DCDC1: variants seen among roughly 807,000 people sequenced by gnomAD.
DCDC1 encodes doublecortin domain containing 1.
Under a neutral mutation model 178.3 loss-of-function variants are expected in DCDC1, and 200 were observed. That is an observed-to-expected ratio of 1.12 (90% CI 1.00 to 1.26). The LOEUF (loss-of-function observed/expected upper bound fraction) is 1.26. Among genes scored for constraint, DCDC1 ranks in the 50% most tolerant of loss-of-function variants. The probability of loss-of-function intolerance (pLI) is 0.00; values close to 1 mark genes in which losing one functional copy is unlikely to be tolerated. For missense variants in DCDC1, 1,983 were observed against 1,749.2 expected (o/e 1.13, Z -2.38); for synonymous variants, 690 against 604.8 (o/e 1.14, Z -2.07).
At chr11:31,268,602 A>T (rs1945337140) in intron 7 of DCDC1, among the ~76,000 whole-genome samples, 1 of 152,078 alleles carries the variant, frequency 6.6e-6, no homozygotes, top group South Asian at 2.1e-4. Context: ...TATGTACCAC[A>T]TTTTCTTTAT....
At position 30,934,107 on chromosome 11, in the gene DCDC1, T is replaced by C. The variant is rs541605470; in HGVS notation, c.2716-2155A>G. ...CATTCCAAGTATAACTGATGAATCT[T>C]TGTTGATTACAATAGATGTAGTTAA... On this transcript the variant is annotated intron_variant, in intron 21 of 38. Transcript: ENST00000684477. Among the ~76,000 whole-genome samples the C allele has an allele frequency of 5.7e-4, 87 of 152,348 alleles. 1 individual carries two copies. The highest frequency in any genetic ancestry group is 2.1e-3 in the African/African-American group (87 of 41,592).
At chr11:30,981,017 A>T (rs1014804668) in intron 20 of DCDC1, among the ~76,000 whole-genome samples, 2 of 152,236 alleles carry the variant, frequency 1.3e-5, no homozygotes, top group Non-Finnish European at 2.9e-5. Context: ...GCCATAAAAA[A>T]ATAAAATTAT....
chr11:31,281,197 A>C lies in DCDC1; in HGVS notation c.960+9450T>G, dbSNP rs529290943. On this transcript the variant is annotated intron_variant, in intron 7 of 38. Transcript: ENST00000684477. ...GTTCTTATCACATTGTCTATAAATA[A>C]AATAGTTTTTATTTCTTCCTTTCAA... 1.3e-3 allele frequency among the ~76,000 whole-genome samples: 200 copies of C among 152,114 alleles called. 1 individual carries two copies. Among genetic ancestry groups the C allele is most frequent in the Middle Eastern group, 0.01 (3 of 294 alleles).
chr11:31,204,631 T>A (rs1348471839), intron 9 of DCDC1, among the ~76,000 whole-genome samples: 5 of 152,150 alleles, frequency 3.3e-5, no homozygotes, highest in Admixed American at 3.3e-4. Flanking sequence ...GAGACCAGCC[T>A]GGCCAACATG....
chr11:30,946,376 C>CA (rs1381990607), intron 21 of DCDC1, among the ~76,000 whole-genome samples: 11 of 152,178 alleles, frequency 7.2e-5, no homozygotes, highest in Non-Finnish European at 4.4e-5. Context: ...ATGCTTGGCC[C>CA]CATGTGGGCC....
chr11:31,044,549 T>A (rs911092943), intron 20 of DCDC1, among the ~76,000 whole-genome samples: 2 of 150,592 alleles, frequency 1.3e-5, no homozygotes, highest in Non-Finnish European at 2.9e-5. Flanking sequence ...TGGAAGGGGC[T>A]GTGTGCCAAG....
Position 30,878,689 on chromosome 11 carries a change from G to A in DCDC1, c.5256C>T (p.Ile1752=). The change falls in exon 38 of 39, where the codon ATC becomes ATT. Residue 1752 remains isoleucine, a synonymous_variant. Coordinates refer to ENST00000684477, the MANE Select transcript of DCDC1 (RefSeq NM_001387274.1). ...TPKELKQLME[I]RANYARIRRQ... ...TTCGGATTCTGGCATAATTTGCTCT[G>A]ATCTCCATCAGTTGTTTTAACTCTG... is the stretch of plus-strand genomic sequence containing the variant. The A allele has an allele frequency of 6.3e-7, 1 of 1,586,570 alleles. No homozygotes were observed. Among genetic ancestry groups the A allele is most frequent in the East Asian group, 2.3e-5 (1 of 43,388 alleles).
At chr11:31,229,422 T>C in intron 9 of DCDC1, among the ~76,000 whole-genome samples, 1 of 152,162 alleles carries the variant, frequency 6.6e-6, no homozygotes, top group East Asian at 1.9e-4. Flanking sequence ...AAATACTACA[T>C]GAACAAGTAA....
intron 2 of DCDC1, 128 bp downstream of exon 2, chr11:31,335,319 T>C (rs1201007048): frequency 2.0e-5 from 3 of 152,232 alleles, no homozygotes; most frequent in Non-Finnish European, 2.9e-5. Flanking sequence ...TGGCTTCCCT[T>C]GGCTAGGAAG....
intron 8 of DCDC1, among the ~76,000 whole-genome samples, chr11:31,246,169 G>A (rs1466550552): frequency 1.3e-5 from 2 of 151,888 alleles, no homozygotes; most frequent in African/African-American, 4.8e-5. Context: ...GAAGCACAGG[G>A]AATAATCAAA....
intron 20 of DCDC1, among the ~76,000 whole-genome samples, chr11:30,960,487 C>G (rs1949031411): frequency 6.6e-6 from 1 of 152,120 alleles, no homozygotes; most frequent in African/African-American, 2.4e-5. Flanking sequence ...ATGGCACTAG[C>G]TGGCCCAGCT....
intron 27 of DCDC1, among the ~76,000 whole-genome samples, chr11:30,913,245 A>T (rs999886693): frequency 2.6e-5 from 4 of 152,014 alleles, no homozygotes; most frequent in Non-Finnish European, 2.9e-5. Context: ...TGTCTCTACT[A>T]AAAATACAAA....
At chr11:31,161,255 G>C (rs2554045) in intron 9 of DCDC1, among the ~76,000 whole-genome samples, 4 of 152,108 alleles carry the variant, frequency 2.6e-5, no homozygotes, top group African/African-American at 9.7e-5. Flanking sequence ...GAAATCAAAC[G>C]GGGAGTCAAT....
chr11:30,916,886 G>T lies in DCDC1; in HGVS notation c.3436C>A (p.Pro1146Thr). Residue 1146 changes from proline (P) to threonine (T), a missense_variant, in exon 26 of 39, where the codon CCA becomes ACA. Transcript: ENST00000684477. Reference sequence around the variant, plus strand: ...ACTTTTTACCTGTGTTTCTTCTGTGGTTCCACATTTTCAAAGAGCCCTTTT... The same window carrying T: ...ACTTTTTACCTGTGTTTCTTCTGTGTTTCCACATTTTCAAAGAGCCCTTTT... ...TEKGLFENVE[P>T]QKKHSCSPKH... The T allele has an allele frequency of 1.9e-6, 3 of 1,604,482 alleles. No individual in the cohort carries two copies. Among genetic ancestry groups the T allele is most frequent in the Non-Finnish European group, 2.6e-6 (3 of 1,176,336 alleles).
chr11:31,235,146 G>C (rs1976294275), intron 9 of DCDC1, among the ~76,000 whole-genome samples: 1 of 151,738 alleles, frequency 6.6e-6, no homozygotes, highest in Admixed American at 6.6e-5. Flanking sequence ...ATATAAGTGG[G>C]GATATAACAT....
chr11:30,903,613 G>A lies in DCDC1; in HGVS notation c.4379C>T (p.Thr1460Ile), dbSNP rs369053352. 1.3e-5 allele frequency: 21 copies of A among 1,611,316 alleles called. No homozygotes were observed. In the African/African-American group the frequency reaches 1.9e-4, roughly 14 times the overall value. Reference sequence around the variant, plus strand: ...CAAATCACGCAAGGTAAAGATTGGGGTTCCATCTTTGGTATATACTTTGGA... The same window carrying A: ...CAAATCACGCAAGGTAAAGATTGGGATTCCATCTTTGGTATATACTTTGGA... ...AASKVYTKDG[T>I]PIFTLRDLVL... The change falls in exon 32 of 39, where the codon ACC becomes ATC. Residue 1460 changes from threonine to isoleucine, a missense_variant. Transcript: ENST00000684477.
At chr11:31,064,303 T>A (rs1054052249) in intron 20 of DCDC1, among the ~76,000 whole-genome samples, 166 bp downstream of exon 20, 2 of 152,156 alleles carry the variant, frequency 1.3e-5, no homozygotes, top group African/African-American at 4.8e-5. Flanking sequence ...AAAATACACA[T>A]AAATGTCACC....
intron 36 of DCDC1, among the ~76,000 whole-genome samples, chr11:30,888,974 C>A (rs1565031683): frequency 2.0e-5 from 3 of 152,198 alleles, no homozygotes; most frequent in Non-Finnish European, 4.4e-5. Flanking sequence ...ATTGCACACT[C>A]CCTGTGGGCG....
Position 31,151,418 on chromosome 11 carries a change from G to T in DCDC1, c.1222-13634C>A, listed in dbSNP as rs143592358. Among the ~76,000 whole-genome samples the T allele has an allele frequency of 3.9e-3, 598 of 152,208 alleles. 4 individuals are homozygous for T. The highest frequency in any genetic ancestry group is 0.014 in the African/African-American group (573 of 41,534). On this transcript the variant is annotated intron_variant, in intron 9 of 38. Coordinates refer to ENST00000684477, the MANE Select transcript of DCDC1 (RefSeq NM_001387274.1). The stretch of plus-strand genomic sequence containing the variant: ...TACATTTGGAGCCTTTAATCTAGGA[G>T]AATTCATTTTGGAAGATTATACAAA...
Sources: gnomAD v4.1 joint callset for allele counts (sites outside exome capture counted in the v4.1 genomes callset) on GRCh38, gnomAD v4.1.1 for gene constraint, MANE v1.5 for transcripts, NCBI Gene and HGNC (gene_info 2026-07-23, HGNC 2026-07-21) for gene names.